PMPCA: variants seen among roughly 807,000 people sequenced by gnomAD.
PMPCA encodes the protein mitochondrial-processing peptidase subunit alpha.
In PMPCA, 47 loss-of-function variants were observed where a neutral mutation model predicts 59.3. That is an observed-to-expected ratio of 0.79 (90% CI 0.63 to 1.01). PMPCA has a LOEUF of 1.01. Among genes scored for constraint, PMPCA ranks in the 50% least tolerant of loss-of-function variants. PMPCA has a pLI of 0.00. For missense variants in PMPCA, 726 were observed against 704.5 expected, an observed-to-expected ratio of 1.03 and a Z score of -0.34; for synonymous variants, 338 against 290.3, an observed-to-expected ratio of 1.16 and a Z score of -1.67.
intron 10 of PMPCA, 40 bp from the exon 11 acceptor site, chr9:136,419,004 G>A: frequency 6.2e-7 from 1 of 1,600,418 alleles, no homozygotes; most frequent in Non-Finnish European, 8.6e-7. Context: ...TAGGCCGGCA[G>A]GCGCAGGCCA....
In PMPCA at chr9:136,412,076, G is replaced by A. The variant is rs1290350795; in HGVS notation, c.151G>A (p.Val51Ile). The change falls in exon 2 of 13, where the codon GTA becomes ATA. Residue 51 changes from valine to isoleucine, a missense_variant. Coordinates refer to ENST00000371717, the MANE Select transcript of PMPCA (RefSeq NM_015160.3). The stretch of plus-strand genomic sequence containing the variant: ...CCCCCTCTCTTCTCCCTTACCTGGA[G>A]TACCCAAGCCTGTTTTTGCTACAGT... The part of the protein sequence containing the change: ...NIPLSSPLPG[V>I]PKPVFATVDG... 6.2e-7 allele frequency: 1 copy of A among 1,613,294 alleles called. No individual in the cohort carries two copies. The highest frequency in any genetic ancestry group is 8.5e-7 in the Non-Finnish European group (1 of 1,179,244).
intron 12 of PMPCA, chr9:136,422,820 G>A (rs1835496191): frequency 1.6e-6 from 2 of 1,246,830 alleles, no homozygotes; most frequent in Non-Finnish European, 2.0e-6. Context: ...CAGACACGGA[G>A]CTCGCTCTTC....
In PMPCA at chr9:136,417,114, G is replaced by C; in HGVS notation, c.797G>C (p.Cys266Ser). The C allele has an allele frequency of 6.2e-7, 1 of 1,613,766 alleles. No homozygotes were observed. Among genetic ancestry groups the C allele is most frequent in the Non-Finnish European group, 8.5e-7 (1 of 1,179,942 alleles). Residue 266 changes from cysteine to serine, a missense_variant, in exon 7 of 13, where the codon TGT becomes TCT. Transcript: ENST00000371717. ...GTGGAGCACGAGCATCTGGTGGACTGTGCCCGGAAGTACCTCCTGGGGGTC... is the reference window on the plus strand; with the variant it reads ...GTGGAGCACGAGCATCTGGTGGACTCTGCCCGGAAGTACCTCCTGGGGGTC... ...VGVEHEHLVD[C>S]ARKYLLGVQP...
At chr9:136,419,213 C>A in intron 11 of PMPCA, 107 bp downstream of exon 11, 1 of 1,080,530 alleles carries the variant, frequency 9.3e-7, no homozygotes, top group Non-Finnish European at 1.4e-6. Flanking sequence ...GCCTCAGGGC[C>A]AAGGTCCCGG....
At chr9:136,422,852 G>T in intron 12 of PMPCA, 1 of 1,324,272 alleles carries the variant, frequency 7.6e-7, no homozygotes, top group Non-Finnish European at 9.7e-7. Context: ...CTCTTCTTGG[G>T]TGGCTTTGTC....
At chr9:136,410,790 C>G in intron 1 of PMPCA, 51 bp downstream of exon 1, 1 of 1,324,980 alleles carries the variant, frequency 7.5e-7, no homozygotes. Flanking sequence ...CGGCTCGAGT[C>G]TTTCTGGACG....
At chr9:136,415,587 G>C (rs1354118872) in intron 5 of PMPCA, among the ~76,000 whole-genome samples, 1 of 152,220 alleles carries the variant, frequency 6.6e-6, no homozygotes, top group Non-Finnish European at 1.5e-5. Context: ...CCCACGTTAA[G>C]ATCTTGTGGT....
rs745716223 is a variant in PMPCA at position 136,423,208 on chromosome 9, A to C, written c.1522A>C (p.Thr508Pro). The C allele has an allele frequency of 6.2e-7, 1 of 1,613,518 alleles. No individual in the cohort carries two copies. The highest frequency in any genetic ancestry group is 1.1e-5 in the South Asian group (1 of 91,078). Residue 508 changes from threonine to proline, a missense_variant, in exon 13 of 13, where the codon ACC becomes CCC. Physicochemically the swap from Thr to Pro is conservative, Grantham distance 38. Transcript: ENST00000371717. ...CCTGCCCACGTATGAGCACATCCAG[A>C]CCGCCCTGTCGAGTAAGGACGGGCG... ...TDLPTYEHIQTALSSKDGRLP... is the reference protein window; with the variant it reads ...TDLPTYEHIQPALSSKDGRLP...
At chr9:136,413,484 C>T (rs1356308712) in intron 4 of PMPCA, among the ~76,000 whole-genome samples, 1 of 152,118 alleles carries the variant, frequency 6.6e-6, no homozygotes, top group Non-Finnish European at 1.5e-5. Context: ...ATATAGATCA[C>T]AGATTTTTAA....
chr9:136,421,656 C>T (rs1207462067), intron 11 of PMPCA, among the ~76,000 whole-genome samples, 176 bp from the exon 12 acceptor site: 2 of 152,210 alleles, frequency 1.3e-5, no homozygotes, highest in Non-Finnish European at 2.9e-5. Flanking sequence ...TCGTGATCCG[C>T]CTGCCTCAGC....
chr9:136,411,090 G>A (rs1371627755), intron 1 of PMPCA: 2 of 258,824 alleles, frequency 7.7e-6, no homozygotes, highest in Non-Finnish European at 7.3e-6. Context: ...TAGACCCGCA[G>A]GGTTCTGACA....
At chr9:136,422,135 C>T (rs1450572393) in intron 12 of PMPCA, 159 bp downstream of exon 12, 1 of 1,543,682 alleles carries the variant, frequency 6.5e-7, no homozygotes, top group Non-Finnish European at 8.7e-7. Context: ...CGGCCAAGGG[C>T]AGGGTCGTGG....
intron 6 of PMPCA, 153 bp downstream of exon 6, chr9:136,416,544 A>G (rs1463081140): frequency 7.2e-6 from 5 of 691,832 alleles, no homozygotes; most frequent in South Asian, 1.5e-5. Flanking sequence ...GTTTCTCCAC[A>G]TTGCCTACGC....
intron 8 of PMPCA, 66 bp downstream of exon 8, chr9:136,418,175 C>A (rs1835336952): frequency 8.5e-7 from 1 of 1,176,302 alleles, no homozygotes. Context: ...CAGCCCTGCC[C>A]TCTGTCCCTG....
Position 136,418,592 on chromosome 9 carries a change from T to C in PMPCA, c.1028T>C (p.Met343Thr). 2 of 1,613,842 alleles carry C rather than the reference T, an allele frequency of 1.2e-6. No homozygotes were observed. The highest frequency in any genetic ancestry group is 1.7e-6 in the Non-Finnish European group (2 of 1,179,706). ...DFIPFAVLNM[M>T]MGGGGSFSAG... The stretch of plus-strand genomic sequence containing the variant: ...ATCCCCTTTGCAGTGTTGAACATGA[T>C]GATGGGCGGAGGTGGCTCCTTCTCG... Residue 343 changes from methionine (M) to threonine (T), a missense_variant, in exon 9 of 13, where the codon ATG becomes ACG. By Grantham distance (81) the Met-to-Thr change is moderately conservative (BLOSUM62 -1). Transcript: ENST00000371717.
At chr9:136,414,932 A>G (rs977625193) in intron 5 of PMPCA, among the ~76,000 whole-genome samples, 1 of 152,078 alleles carries the variant, frequency 6.6e-6, no homozygotes, top group East Asian at 1.9e-4. Context: ...CAAAAAAGAT[A>G]CAAGAATTAG....
At chr9:136,415,778 G>T (rs979251217) in intron 5 of PMPCA, among the ~76,000 whole-genome samples, 1 of 152,192 alleles carries the variant, frequency 6.6e-6, no homozygotes, top group African/African-American at 2.4e-5. Context: ...GATTACAGGC[G>T]CCCGCCACCG....
At chr9:136,416,640 C>G (rs1835283801) in intron 6 of PMPCA, 1 of 605,758 alleles carries the variant, frequency 1.7e-6, no homozygotes, top group South Asian at 1.9e-5. Context: ...AGTCACCGCA[C>G]TCAGCTTAGA....
chr9:136,412,971 G>T, intron 4 of PMPCA, 79 bp downstream of exon 4: 1 of 853,644 alleles, frequency 1.2e-6, no homozygotes, highest in Non-Finnish European at 2.0e-6. Flanking sequence ...TTCCCTCTGA[G>T]CCCCTCCCAG....
Sources: gnomAD v4.1 joint callset for allele counts (sites outside exome capture counted in the v4.1 genomes callset) on GRCh38, gnomAD v4.1.1 for gene constraint, MANE v1.5 for transcripts, NCBI Gene and HGNC (gene_info 2026-07-23, HGNC 2026-07-21) for gene names.